Variants in DDX60L observed in about 807,000 individuals in gnomAD.
The protein encoded by DDX60L is probable ATP-dependent RNA helicase DDX60-like.
In DDX60L, 191 loss-of-function variants were observed where a neutral mutation model predicts 211.6. The observed-to-expected ratio is 0.90, with a 90% CI of 0.80 to 1.02. DDX60L has a LOEUF of 1.02. Among genes scored for constraint, DDX60L ranks in the 50% least tolerant of loss-of-function variants. The probability of loss-of-function intolerance (pLI) is 0.00; values close to 1 mark genes in which losing one functional copy is unlikely to be tolerated. For missense variants in DDX60L, 2,007 were observed against 1,984.1 expected (o/e 1.01, Z -0.22); for synonymous variants, 706 against 694.1 (o/e 1.02, Z -0.27).
In DDX60L at chr4:168,427,367, C is replaced by T; in HGVS notation, c.1678-45G>A. Reference sequence around the variant, plus strand: ...ACATATGAAACAAGTGGGAAAATTCCATTATGACATTTCACTAGTGAGATT... The same window carrying T: ...ACATATGAAACAAGTGGGAAAATTCTATTATGACATTTCACTAGTGAGATT... On this transcript the variant is annotated intron_variant, in intron 13 of 37. Transcript: ENST00000682922. The T allele has an allele frequency of 1.9e-6, 3 of 1,577,872 alleles. No individual in the cohort carries two copies. In the African/African-American group the frequency reaches 4.1e-5, roughly 21 times the overall value.
At chr4:168,379,256 G>T in intron 32 of DDX60L, 107 bp downstream of exon 32, 3 of 1,011,228 alleles carry the variant, frequency 3.0e-6, no homozygotes, top group Non-Finnish European at 4.2e-6. Flanking sequence ...GTATTTATTT[G>T]CTTTAATAAA....
intron 9 of DDX60L, among the ~76,000 whole-genome samples, chr4:168,445,526 T>C (rs936652065): frequency 3.9e-5 from 6 of 152,166 alleles, no homozygotes; most frequent in African/African-American, 1.4e-4. Flanking sequence ...CTAACTCATT[T>C]TATGAGGCCA....
chr4:168,416,618 C>A (rs951659771), intron 20 of DDX60L, 64 bp downstream of exon 20: 87 of 935,134 alleles, frequency 9.3e-5, no homozygotes, highest in Non-Finnish European at 1.3e-4. Flanking sequence ...GACTTCAGAC[C>A]ATATAGACAG....
chr4:168,423,574 A>C (rs1750984607), intron 15 of DDX60L, 34 bp downstream of exon 15: 1 of 1,481,552 alleles, frequency 6.7e-7, no homozygotes, highest in African/African-American at 1.4e-5. Context: ...AATTGAGTAA[A>C]AATTTAAAGT....
In DDX60L at chr4:168,433,059, T is replaced by C; in HGVS notation, c.1351A>G (p.Ile451Val). ...VGFIPMTSAV[I>V]DEFVGDMMKD... is the part of the protein sequence containing the mutation. ...ATCATATCTCCAACAAACTCATCAATTACAGCAGATGTCATTGGAATAAAG... is the reference window on the plus strand; with the variant it reads ...ATCATATCTCCAACAAACTCATCAACTACAGCAGATGTCATTGGAATAAAG... The change falls in exon 11 of 38, where the codon ATT becomes GTT. Residue 451 changes from isoleucine to valine, a missense_variant. Transcript: ENST00000682922. 2 of 1,610,104 alleles carry C rather than the reference T, an allele frequency of 1.2e-6. No homozygotes were observed. The highest frequency in any genetic ancestry group is 1.7e-6 in the Non-Finnish European group (2 of 1,177,934).
At chr4:168,417,034 T>C (rs1187063757) in intron 19 of DDX60L, among the ~76,000 whole-genome samples, 1 of 152,226 alleles carries the variant, frequency 6.6e-6, no homozygotes, top group African/African-American at 2.4e-5. Context: ...TTTGAAGCTA[T>C]GTTTTTCTCT....
At chr4:168,446,422 G>A (rs1457679856) in intron 9 of DDX60L, among the ~76,000 whole-genome samples, 1 of 152,164 alleles carries the variant, frequency 6.6e-6, no homozygotes, top group Non-Finnish European at 1.5e-5. Context: ...TCATGGGTAG[G>A]AAGAATCAAT....
In DDX60L at chr4:168,427,150, C is replaced by T; in HGVS notation, c.1850G>A (p.Ser617Asn). The T allele has an allele frequency of 6.2e-7, 1 of 1,610,362 alleles. No individual in the cohort carries two copies. The highest frequency in any genetic ancestry group is 8.5e-7 in the Non-Finnish European group (1 of 1,177,670). The change falls in exon 14 of 38, where the codon AGT becomes AAT. Residue 617 changes from serine (S) to asparagine (N), a missense_variant. By Grantham distance (46) the Ser-to-Asn change is conservative. Coordinates refer to ENST00000682922, the MANE Select transcript of DDX60L (RefSeq NM_001012967.3). ...KLEDYLTSCA[S>N]NSVKFGVEML... Reference sequence around the variant, plus strand: ...TTCAACTCCAAATTTCACTGAATTACTTGCACATGATGTCAAATAATCTTC... The same window carrying T: ...TTCAACTCCAAATTTCACTGAATTATTTGCACATGATGTCAAATAATCTTC...
Position 168,457,903 on chromosome 4 carries a change from T to C in DDX60L, c.712A>G (p.Met238Val). Residue 238 changes from methionine to valine, a missense_variant, in exon 6 of 38, where the codon ATG becomes GTG. Met to Val is a conservative substitution (Grantham distance 21, BLOSUM62 1). Coordinates refer to ENST00000682922, the MANE Select transcript of DDX60L (RefSeq NM_001012967.3). ...THFEHLKWND[M>V]MEEAYQTLFL... ...AAAAATTTTAATACCTCTTCCATCA[T>C]ATCATTCCATTTCAAATGTTCAAAA... 2 of 1,535,586 alleles carry C rather than the reference T, an allele frequency of 1.3e-6. No homozygotes were observed. Among genetic ancestry groups the C allele is most frequent in the Admixed American group, 2.0e-5 (1 of 49,354 alleles).
Position 168,472,447 on chromosome 4 carries a change from G to C in DDX60L, c.74+8C>G. ...ATAGCTCCTTCTTTTTTACTTCACA[G>C]TACTTACCCAGCTTTTGGCATTTCA... On this transcript the variant is annotated splice_region_variant and intron_variant, in intron 3 of 37. Coordinates refer to ENST00000682922, the MANE Select transcript of DDX60L (RefSeq NM_001012967.3). 8.4e-6 allele frequency: 13 copies of C among 1,552,600 alleles called. No individual in the cohort carries two copies. The highest frequency in any genetic ancestry group is 1.1e-5 in the Non-Finnish European group (13 of 1,145,046).
At chr4:168,469,507 GCA>G (rs1186101440) in intron 4 of DDX60L, 1 of 152,062 alleles carries the variant, frequency 6.6e-6, no homozygotes, top group African/African-American at 2.4e-5. Flanking sequence ...CAGGATACAG[GCA>G]CAATAACCAT....
chr4:168,382,899 C>T (rs1343750187), intron 30 of DDX60L, among the ~76,000 whole-genome samples: 1 of 152,146 alleles, frequency 6.6e-6, no homozygotes, highest in East Asian at 1.9e-4. Flanking sequence ...AGACCTGAGA[C>T]TACAAACAAT....
chr4:168,424,933 G>A (rs1751220676), intron 14 of DDX60L, among the ~76,000 whole-genome samples: 1 of 152,184 alleles, frequency 6.6e-6, no homozygotes, highest in Admixed American at 6.5e-5. Context: ...TTTCTGGGAT[G>A]AAGCCTCCTT....
intron 9 of DDX60L, among the ~76,000 whole-genome samples, chr4:168,446,635 A>G (rs985664608): frequency 5.3e-5 from 8 of 151,812 alleles, no homozygotes; most frequent in Admixed American, 4.6e-4. Flanking sequence ...AAACTATACT[A>G]CAAGGCTACA....
At chr4:168,437,108 A>G (rs1052778384) in intron 10 of DDX60L, among the ~76,000 whole-genome samples, 1 of 152,236 alleles carries the variant, frequency 6.6e-6, no homozygotes, top group African/African-American at 2.4e-5. Context: ...CTATGGGTCC[A>G]GACCCTTAAG....
At chr4:168,475,295 T>G (rs2150158798) in intron 1 of DDX60L, among the ~76,000 whole-genome samples, 1 of 152,352 alleles carries the variant, frequency 6.6e-6, no homozygotes, top group East Asian at 1.9e-4. Context: ...AGTCAGCTCT[T>G]TTAACATTAT....
At chr4:168,364,881 A>T (rs1056634639) in intron 36 of DDX60L, among the ~76,000 whole-genome samples, 3 of 152,226 alleles carry the variant, frequency 2.0e-5, no homozygotes, top group African/African-American at 7.2e-5. Flanking sequence ...AATGCTCTGG[A>T]AAATTTACAA....
rs1177731794 is a variant in DDX60L at position 168,384,784 on chromosome 4, T to C, written c.3944A>G (p.Gln1315Arg). The C allele has an allele frequency of 3.7e-5, 59 of 1,613,366 alleles. No individual in the cohort carries two copies. The highest frequency in any genetic ancestry group is 4.8e-5 in the Non-Finnish European group (57 of 1,179,720). Residue 1315 changes from glutamine to arginine, a missense_variant, in exon 30 of 38, where the codon CAA becomes CGA. Gln to Arg is a conservative substitution (Grantham distance 43, BLOSUM62 1). Coordinates refer to ENST00000682922, the MANE Select transcript of DDX60L (RefSeq NM_001012967.3). ...QMSGRAGRRG[Q>R]DLLGNVYFFD... The stretch of plus-strand genomic sequence containing the variant: ...GAAATACACATTTCCAAGCAGGTCT[T>C]GACCTCTTCTTCCAGCACGACCAGA...
chr4:168,375,819 G>A (rs1241762776), intron 33 of DDX60L, among the ~76,000 whole-genome samples: 1 of 152,184 alleles, frequency 6.6e-6, no homozygotes, highest in Non-Finnish European at 1.5e-5. Context: ...AGAGACTTGA[G>A]GGACATATTT....
Sources: gnomAD v4.1 joint callset for allele counts (sites outside exome capture counted in the v4.1 genomes callset) on GRCh38, gnomAD v4.1.1 for gene constraint, MANE v1.5 for transcripts, NCBI Gene and HGNC (gene_info 2026-07-23, HGNC 2026-07-21) for gene names.